GPD1L: variants seen among roughly 807,000 people sequenced by gnomAD.
GPD1L encodes the protein glycerol-3-phosphate dehydrogenase 1 like, also known as glycerol-3-phosphate dehydrogenase 1-like protein.
In GPD1L, 17 loss-of-function variants were observed where a neutral mutation model predicts 32.9. The observed-to-expected ratio is 0.52, with a 90% CI of 0.35 to 0.78. GPD1L has a LOEUF of 0.78. GPD1L is among the 30% of genes least tolerant of loss of function. The pLI is 0.01. For missense variants in GPD1L, 361 were observed against 447.8 expected (o/e 0.81, Z 1.75); for synonymous variants, 187 against 165.9 (o/e 1.13, Z -0.98).
intron 7 of GPD1L, among the ~76,000 whole-genome samples, chr3:32,163,050 G>A (rs948231885): frequency 2.0e-5 from 3 of 151,700 alleles, no homozygotes; most frequent in Middle Eastern, 3.4e-3. Context: ...GAGCCACCAC[G>A]CCTGGCCTGG....
intron 2 of GPD1L, among the ~76,000 whole-genome samples, chr3:32,130,445 C>G (rs887456412): frequency 1.2e-4 from 18 of 152,144 alleles, no homozygotes; most frequent in African/African-American, 4.1e-4. Context: ...TCAACACAAG[C>G]TCACTGTTTA....
chr3:32,141,453 G>A (rs193094111), intron 4 of GPD1L, among the ~76,000 whole-genome samples: 11 of 151,866 alleles, frequency 7.2e-5, no homozygotes, highest in East Asian at 1.9e-4. Context: ...TGCTTTATTC[G>A]CTGAATATGT....
chr3:32,132,994 CAG>C (rs1376283513), intron 2 of GPD1L, among the ~76,000 whole-genome samples: 1 of 152,124 alleles, frequency 6.6e-6, no homozygotes, highest in East Asian at 1.9e-4. Context: ...GATGAAGAGA[CAG>C]AGGAAAATTA....
intron 2 of GPD1L, among the ~76,000 whole-genome samples, chr3:32,134,998 G>A (rs750707595): frequency 6.6e-6 from 1 of 152,206 alleles, no homozygotes; most frequent in Admixed American, 6.5e-5. Flanking sequence ...TTTACATATG[G>A]AGTGACTGAG....
chr3:32,107,143 G>A (rs1700176046), intron 1 of GPD1L, among the ~76,000 whole-genome samples: 1 of 152,170 alleles, frequency 6.6e-6, no homozygotes, highest in African/African-American at 2.4e-5. Context: ...GTGGAGGCTC[G>A]AGCATTCTTA....
intron 5 of GPD1L, among the ~76,000 whole-genome samples, chr3:32,152,581 G>A (rs1324008421): frequency 5.3e-5 from 8 of 152,154 alleles, no homozygotes; most frequent in Admixed American, 4.6e-4. Context: ...AGCCACTCCC[G>A]GAGTCTTTTT....
At position 32,140,203 on chromosome 3, in the gene GPD1L, T is replaced by A. The variant is rs374114783; in HGVS notation, c.367-25T>A. The A allele has an allele frequency of 3.1e-5, 50 of 1,613,590 alleles. No individual in the cohort carries two copies. The African/African-American group carries it at 6.4e-4, about 21-fold the overall frequency. ...CTCTTTGATTTGGCGGTTTGTTCTC[T>A]CCTAACTTCTTGGCATCCTTGTAGG... On this transcript the variant is annotated intron_variant, in intron 3 of 7. Coordinates refer to ENST00000282541, the MANE Select transcript of GPD1L (RefSeq NM_015141.4).
At chr3:32,131,380 G>T (rs1216240396) in intron 2 of GPD1L, among the ~76,000 whole-genome samples, 1 of 152,094 alleles carries the variant, frequency 6.6e-6, no homozygotes, top group East Asian at 1.9e-4. Context: ...AAAGAAACTT[G>T]TACCCTTTCA....
intron 1 of GPD1L, among the ~76,000 whole-genome samples, chr3:32,116,859 A>G (rs1052214464): frequency 1.3e-5 from 2 of 152,294 alleles, no homozygotes; most frequent in South Asian, 2.1e-4. Flanking sequence ...GTTAATCCTC[A>G]CAGTATGAGG....
chr3:32,127,970 T>G, intron 1 of GPD1L, 106 bp from the exon 2 acceptor site: 1 of 811,200 alleles, frequency 1.2e-6, no homozygotes, highest in Non-Finnish European at 2.1e-6. Flanking sequence ...GTAGGCTCAG[T>G]GTTTGAATCA....
intron 1 of GPD1L, among the ~76,000 whole-genome samples, chr3:32,126,068 G>A (rs1320048603): frequency 1.3e-5 from 2 of 152,168 alleles, no homozygotes; most frequent in African/African-American, 4.8e-5. Flanking sequence ...GGTGGCATGT[G>A]CCTGTAGTCC....
At chr3:32,128,867 A>G (rs1700549884) in intron 2 of GPD1L, among the ~76,000 whole-genome samples, 1 of 152,234 alleles carries the variant, frequency 6.6e-6, no homozygotes, top group African/African-American at 2.4e-5. Flanking sequence ...GCTTGCTAGG[A>G]CAGCTAATAC....
chr3:32,142,359 C>T (rs1700757660), intron 4 of GPD1L, among the ~76,000 whole-genome samples: 1 of 152,128 alleles, frequency 6.6e-6, no homozygotes, highest in South Asian at 2.1e-4. Context: ...CCTCATGATC[C>T]ACCTGCCTCA....
intron 2 of GPD1L, among the ~76,000 whole-genome samples, chr3:32,131,214 T>G (rs1236077583): frequency 6.6e-6 from 1 of 152,172 alleles, no homozygotes; most frequent in African/African-American, 2.4e-5. Flanking sequence ...CCATGAAATA[T>G]AGTTGCCGTT....
intron 7 of GPD1L, among the ~76,000 whole-genome samples, chr3:32,165,579 T>G (rs1001558432): frequency 6.6e-6 from 1 of 152,226 alleles, no homozygotes; most frequent in East Asian, 1.9e-4. Context: ...GACTTGGTTG[T>G]GGACAGTGTG....
intron 1 of GPD1L, among the ~76,000 whole-genome samples, chr3:32,120,664 G>A (rs556977355): frequency 2.1e-4 from 32 of 152,282 alleles, no homozygotes; most frequent in African/African-American, 7.5e-4. Context: ...GTCTCTCCTA[G>A]TCATTTACAA....
At chr3:32,122,837 G>T (rs1333397253) in intron 1 of GPD1L, among the ~76,000 whole-genome samples, 4 of 152,112 alleles carry the variant, frequency 2.6e-5, no homozygotes, top group Non-Finnish European at 5.9e-5. Context: ...CACCCTTATG[G>T]CTTTGGCTCT....
chr3:32,160,681 C>T (rs1701063251), intron 7 of GPD1L, among the ~76,000 whole-genome samples: 1 of 152,044 alleles, frequency 6.6e-6, no homozygotes, highest in African/African-American at 2.4e-5. Flanking sequence ...ATCCATCCTC[C>T]ATTGCCCTTC....
intron 4 of GPD1L, among the ~76,000 whole-genome samples, chr3:32,144,148 T>C (rs962213427): frequency 2.0e-5 from 3 of 152,244 alleles, no homozygotes; most frequent in Admixed American, 1.3e-4. Context: ...ATTTGATCAT[T>C]GCAGTGTGGT....
Sources: allele counts gnomAD v4.1 joint callset (sites outside exome capture counted in the v4.1 genomes callset), GRCh38; gene constraint gnomAD v4.1.1; transcripts MANE v1.5; gene names NCBI Gene and HGNC (gene_info 2026-07-23, HGNC 2026-07-21).